The following PRELID2 variants were observed in gnomAD, a reference collection of about 807,000 sequenced individuals.
The protein encoded by PRELID2 is PRELI domain containing 2.
In PRELID2, 25 loss-of-function variants were observed where a neutral mutation model predicts 28.4. That is an observed-to-expected ratio of 0.88 (90% confidence interval 0.64 to 1.23). The LOEUF (loss-of-function observed/expected upper bound fraction) is 1.23. PRELID2 is among the 50% of genes most tolerant of loss of function. PRELID2 has a pLI of 0.00. For synonymous variants in PRELID2, 76 were observed against 71.6 expected (o/e 1.06, Z -0.31); for missense variants, 201 against 214.4 (o/e 0.94, Z 0.39).
chr5:145,377,162 G>A, the PRELID2 span, among the ~76,000 whole-genome samples: 1 of 152,164 alleles, frequency 6.6e-6, no homozygotes, highest in Non-Finnish European at 1.5e-5. Context: ...AGTCATTCAA[G>A]AGAAGGTTAT....
chr5:145,246,394 A>T, the PRELID2 span, among the ~76,000 whole-genome samples: 1 of 152,128 alleles, frequency 6.6e-6, no homozygotes, highest in African/African-American at 2.4e-5. Flanking sequence ...TCTTACATTC[A>T]AATGGGGGAA....
chr5:145,648,972 T>G (rs1258847943), intron 1 of PRELID2, among the ~76,000 whole-genome samples: 1 of 152,066 alleles, frequency 6.6e-6, no homozygotes, highest in African/African-American at 2.4e-5. Context: ...AACCATACTT[T>G]GAGTACCTAT....
chr5:145,293,205 A>C, the PRELID2 span, among the ~76,000 whole-genome samples: 3 of 152,152 alleles, frequency 2.0e-5, no homozygotes, highest in African/African-American at 7.2e-5. Flanking sequence ...CATTGTCTTC[A>C]TCTGTATTGT....
At chr5:145,559,543 C>CA (rs1451757370) in intron 1 of PRELID2, among the ~76,000 whole-genome samples, 1 of 152,108 alleles carries the variant, frequency 6.6e-6, no homozygotes, top group Non-Finnish European at 1.5e-5. Context: ...AAATCTATAG[C>CA]AATGCATCTT....
At chr5:145,559,925 C>T (rs1317801583) in intron 1 of PRELID2, among the ~76,000 whole-genome samples, 1 of 152,016 alleles carries the variant, frequency 6.6e-6, no homozygotes, top group African/African-American at 2.4e-5. Flanking sequence ...ACAGATGCTC[C>T]TCGACTTATG....
intron 1 of PRELID2, among the ~76,000 whole-genome samples, chr5:145,528,218 T>A (rs1338134358): frequency 6.6e-6 from 1 of 152,140 alleles, no homozygotes. Context: ...TCAGTATACA[T>A]CTGGAGAGCT....
At chr5:145,244,575 C>T in the PRELID2 span, among the ~76,000 whole-genome samples, 5 of 152,026 alleles carry the variant, frequency 3.3e-5, no homozygotes, top group African/African-American at 1.2e-4. Flanking sequence ...TACAGTTTCA[C>T]GGCACACAGA....
chr5:145,608,940 C>A (rs1391625491), intron 1 of PRELID2, among the ~76,000 whole-genome samples: 1 of 152,092 alleles, frequency 6.6e-6, no homozygotes, highest in Non-Finnish European at 1.5e-5. Flanking sequence ...GTTCATTCTT[C>A]TTTATTTGTT....
intron 1 of PRELID2, among the ~76,000 whole-genome samples, chr5:145,482,953 G>A (rs1201570891): frequency 2.0e-5 from 3 of 152,072 alleles, no homozygotes; most frequent in African/African-American, 7.2e-5. Context: ...GAAATGGGGA[G>A]CAACTGTAAA....
At chr5:145,307,011 T>A in the PRELID2 span, among the ~76,000 whole-genome samples, 1 of 152,228 alleles carries the variant, frequency 6.6e-6, no homozygotes, top group African/African-American at 2.4e-5. Context: ...TGTTTCTATA[T>A]ATGATCTTTA....
chr5:145,745,548 C>T, intron 1 of PRELID2, among the ~76,000 whole-genome samples: 1 of 152,086 alleles, frequency 6.6e-6, no homozygotes, highest in East Asian at 1.9e-4. Context: ...ATACTTGGGG[C>T]CAATAGTCAA....
At chr5:145,585,338 G>A (rs1753143687) in intron 1 of PRELID2, among the ~76,000 whole-genome samples, 1 of 151,930 alleles carries the variant, frequency 6.6e-6, no homozygotes, top group Non-Finnish European at 1.5e-5. Context: ...ATGGATGCTG[G>A]GCTTAATACC....
chr5:145,320,055 G>A, the PRELID2 span, among the ~76,000 whole-genome samples: 95,924 of 152,050 alleles, frequency 0.63, 30,607 homozygotes, highest in East Asian at 0.89. Context: ...TGGATATTTA[G>A]AAGATTCTTT....
intron 1 of PRELID2, among the ~76,000 whole-genome samples, chr5:145,710,415 C>T (rs924089292): frequency 6.6e-6 from 1 of 152,072 alleles, no homozygotes; most frequent in African/African-American, 2.4e-5. Flanking sequence ...TCAATTTTTC[C>T]CTTTTTCAAA....
chr5:145,642,373 A>T (rs945309910), intron 1 of PRELID2, among the ~76,000 whole-genome samples: 23 of 151,812 alleles, frequency 1.5e-4, no homozygotes, highest in African/African-American at 5.6e-4. Flanking sequence ...TTTGTTTTTT[A>T]CTTGTAAAGT....
At chr5:145,585,841 G>A (rs1200617923) in intron 1 of PRELID2, among the ~76,000 whole-genome samples, 5 of 152,016 alleles carry the variant, frequency 3.3e-5, no homozygotes, top group African/African-American at 4.8e-5. Flanking sequence ...CAGAGATACC[G>A]AAAAGCCTTG....
chr5:145,641,001 G>A (rs1344889857), intron 1 of PRELID2, among the ~76,000 whole-genome samples: 2 of 152,222 alleles, frequency 1.3e-5, no homozygotes, highest in East Asian at 1.9e-4. Flanking sequence ...TTTATACCAG[G>A]CCCTAGTGGG....
At position 145,604,293 on chromosome 5, in the gene PRELID2, T is replaced by G. The variant is rs140040646; in HGVS notation, n.71-130978A>C. ...CTAGTGTCTGTTGTTCCTTTCTTTG[T>G]GTCCATAGGTACTCAAGGTTTAGCT... is the stretch of plus-strand genomic sequence containing the variant. On this transcript the variant is annotated intron_variant and non_coding_transcript_variant, in intron 1 of 2. Coordinates refer to the PRELID2 transcript ENST00000510259. Among the ~76,000 whole-genome samples the G allele has an allele frequency of 5.0e-3, 767 of 152,272 alleles. 8 individuals carry two copies. The highest frequency in any genetic ancestry group is 0.018 in the African/African-American group (730 of 41,562).
At chr5:145,261,703 C>G in the PRELID2 span, among the ~76,000 whole-genome samples, 2 of 152,128 alleles carry the variant, frequency 1.3e-5, no homozygotes, top group African/African-American at 2.4e-5. Context: ...AGCCCTTGAG[C>G]CCCTGATCTT....
Sources: allele counts gnomAD v4.1 joint callset (sites outside exome capture counted in the v4.1 genomes callset), GRCh38; gene constraint gnomAD v4.1.1; transcripts MANE v1.5; gene names NCBI Gene and HGNC (gene_info 2026-07-23, HGNC 2026-07-21).